CIT: variants seen among roughly 807,000 people sequenced by gnomAD.
CIT encodes citron rho-interacting serine/threonine kinase.
A neutral mutation model predicts 272.7 loss-of-function variants in CIT; 79 were observed. That is an observed-to-expected ratio of 0.29 (90% CI 0.24 to 0.35). CIT has a LOEUF of 0.35. Ranked by LOEUF, CIT falls within the 10% of genes least tolerant of loss-of-function variation. The pLI is 1.00. For missense variants in CIT, 1,909 were observed against 2,618.3 expected (o/e 0.73, Z 5.91); for synonymous variants, 948 against 995.6 (o/e 0.95, Z 0.90).
At chr12:119,751,003 G>A (rs896106516) in intron 23 of CIT, among the ~76,000 whole-genome samples, 3 of 152,100 alleles carry the variant, frequency 2.0e-5, no homozygotes, top group African/African-American at 4.8e-5. Flanking sequence ...CCAATCAGCT[G>A]TATTGTGACT....
intron 4 of CIT, among the ~76,000 whole-genome samples, chr12:119,853,426 ATTTGTTTG>A (rs199630343): frequency 2.0e-5 from 3 of 151,054 alleles, no homozygotes; most frequent in African/African-American, 4.9e-5. Context: ...GGATTTGTTT[ATTTGTTTG>A]TTTGTTTGTT....
chr12:119,739,583 T>C (rs955427465), intron 24 of CIT, among the ~76,000 whole-genome samples: 2 of 152,230 alleles, frequency 1.3e-5, no homozygotes, highest in African/African-American at 4.8e-5. Flanking sequence ...AATGTTGTTC[T>C]AAAGTAGTGG....
At position 119,824,601 on chromosome 12, in the gene CIT, A is replaced by T. The variant is rs182106697; in HGVS notation, c.957+564T>A. 9.2e-5 allele frequency among the ~76,000 whole-genome samples: 14 copies of T among 152,358 alleles called. No homozygotes were observed. In the East Asian group the frequency reaches 2.5e-3, roughly 27 times the overall value. On this transcript the variant is annotated intron_variant, in intron 8 of 47. Coordinates refer to ENST00000392521, the MANE Select transcript of CIT (RefSeq NM_001206999.2). ...TAAAATGTTTAGAATAGCCTTTGGC[A>T]CAGAGTTAAGTGCCATATAAGTATT...
chr12:119,800,456 C>A (rs1966095704), intron 10 of CIT, among the ~76,000 whole-genome samples: 1 of 152,144 alleles, frequency 6.6e-6, no homozygotes, highest in African/African-American at 2.4e-5. Flanking sequence ...AAATAAGGAT[C>A]CCAAAAAACG....
chr12:119,730,371 A>C, intron 27 of CIT, 124 bp downstream of exon 27: 1 of 1,028,202 alleles, frequency 9.7e-7, no homozygotes, highest in Non-Finnish European at 1.3e-6. Flanking sequence ...ACATTTTTGG[A>C]GTGCATGAAC....
At chr12:119,866,745 A>G (rs1361148471) in intron 3 of CIT, among the ~76,000 whole-genome samples, 1 of 152,120 alleles carries the variant, frequency 6.6e-6, no homozygotes, top group Non-Finnish European at 1.5e-5. Context: ...CTTGAGCCCA[A>G]GAGTTGGAGG....
intron 29 of CIT, 35 bp from the exon 30 acceptor site, chr12:119,720,620 A>C: frequency 6.9e-7 from 1 of 1,444,608 alleles, no homozygotes; most frequent in East Asian, 2.3e-5. Context: ...CCTCAAATCC[A>C]GACAGAAGTA....
At chr12:119,795,729 T>G (rs1965679681) in intron 10 of CIT, among the ~76,000 whole-genome samples, 1 of 152,208 alleles carries the variant, frequency 6.6e-6, no homozygotes, top group Non-Finnish European at 1.5e-5. Flanking sequence ...TGTTTCTACC[T>G]TCAGAACCTC....
rs191889106 is a variant in CIT, at chr12:119,688,212, T to C, written c.*20A>G. 3 of 1,611,318 alleles carry C rather than the reference T, an allele frequency of 1.9e-6. No individual in the cohort carries two copies. The highest frequency in any genetic ancestry group is 2.7e-5 in the African/African-American group (2 of 74,912). ...TTTTCCTGCAGATCAAGATGAGGAG[T>C]TGGTTTTTCTGGCTGAGATTTATAC... On this transcript the variant is annotated 3_prime_UTR_variant, in exon 48 of 48. Transcript: ENST00000392521.
chr12:119,755,300 G>A lies in CIT; in HGVS notation c.2706+2071C>T, dbSNP rs1205423278. 2.6e-5 allele frequency among the ~76,000 whole-genome samples: 4 copies of A among 152,144 alleles called. No individual in the cohort carries two copies. In the East Asian group the frequency reaches 5.8e-4, roughly 22 times the overall value. On this transcript the variant is annotated intron_variant, in intron 22 of 47. Transcript: ENST00000392521. ...CACTCCAGGTGAACCTAATGGAGGA[G>A]TTCACACCTTGACAACCCCTAAAAA... is the stretch of plus-strand genomic sequence containing the variant.
chr12:119,712,507 C>T lies in CIT; in HGVS notation c.4684+84G>A. 7.0e-7 allele frequency: 1 copy of T among 1,428,426 alleles called. No individual in the cohort carries two copies. The highest frequency in any genetic ancestry group is 9.8e-7 in the Non-Finnish European group (1 of 1,024,784). 88.5% of individuals were successfully genotyped at this position (1,428,426 alleles called of 1,614,324 possible). ...GATGGGCCTCCTTTGCAGAGCCAAT[C>T]TTCCCTGTACCACCCCTTCTGTCCC... On this transcript the variant is annotated intron_variant, in intron 36 of 47. Coordinates refer to ENST00000392521, the MANE Select transcript of CIT (RefSeq NM_001206999.2). This position sits in a 1 kb window ranked among gnomAD's most constrained non-coding sequence, Gnocchi z 5.2.
Position 119,821,048 on chromosome 12 carries a change from C to T in CIT, c.1111+1772G>A, listed in dbSNP as rs567452978. Among the ~76,000 whole-genome samples the T allele has an allele frequency of 2.0e-5, 3 of 152,190 alleles. No individual in the cohort carries two copies. The South Asian group carries it at 6.2e-4, about 32-fold the overall frequency. The stretch of plus-strand genomic sequence containing the variant: ...TGGTGGCTCACACCTGTAATCCCAG[C>T]ACTTTGGAAGGCCGAGGCAGGCAGA... On this transcript the variant is annotated intron_variant, in intron 9 of 47. Transcript: ENST00000392521.
rs532118651 is a variant in CIT, at chr12:119,784,886, C to T, written c.1401+74G>A. 6.1e-5 allele frequency: 95 copies of T among 1,566,196 alleles called. 1 individual carries two copies. In the South Asian group the frequency reaches 6.4e-4, roughly 11 times the overall value. On this transcript the variant is annotated intron_variant, in intron 11 of 47. Coordinates refer to ENST00000392521, the MANE Select transcript of CIT (RefSeq NM_001206999.2). This position sits in a 1 kb window ranked among gnomAD's most constrained non-coding sequence, Gnocchi z 4.7. ...GGCGGCTCAGAGCCAGCAGCGGCCC[C>T]GGGCGGATCCCTTGGCATATACGGA...
chr12:119,858,134 C>T (rs967430775), intron 3 of CIT, among the ~76,000 whole-genome samples: 2 of 152,142 alleles, frequency 1.3e-5, no homozygotes, highest in Non-Finnish European at 2.9e-5. Context: ...TAACTACATG[C>T]GCTTAGTTTT....
chr12:119,738,871 G>A (rs1326024332), intron 24 of CIT, among the ~76,000 whole-genome samples: 2 of 100,960 alleles, frequency 2.0e-5, no homozygotes, highest in African/African-American at 7.9e-5. Context: ...CAATAAGAGA[G>A]AAACTCAATC....
chr12:119,751,155 A>G (rs887440263), intron 23 of CIT, among the ~76,000 whole-genome samples: 1 of 152,162 alleles, frequency 6.6e-6, no homozygotes, highest in Non-Finnish European at 1.5e-5. Context: ...CTCACAGTCT[A>G]GGTCCTCCGG....
At chr12:119,787,574 A>T (rs1964909349) in intron 10 of CIT, among the ~76,000 whole-genome samples, 1 of 151,692 alleles carries the variant, frequency 6.6e-6, no homozygotes, top group Non-Finnish European at 1.5e-5. Flanking sequence ...TACTAAAAAT[A>T]CAAAAAATTA....
chr12:119,824,108 G>GTATATATA (rs59234933), intron 8 of CIT, among the ~76,000 whole-genome samples: 35 of 125,506 alleles, frequency 2.8e-4, no homozygotes, highest in Admixed American at 7.9e-4. Context: ...TAGTTTTACT[G>GTATATATA]TATATATATA....
chr12:119,700,193 T>C (rs1028639868), intron 44 of CIT, among the ~76,000 whole-genome samples: 1 of 152,208 alleles, frequency 6.6e-6, no homozygotes, highest in Non-Finnish European at 1.5e-5. Context: ...CATGAGAGCC[T>C]AGCAAATATT....
Sources: gnomAD v4.1 joint callset for allele counts (sites outside exome capture counted in the v4.1 genomes callset) on GRCh38, gnomAD v4.1.1 for gene constraint, Gnocchi (gnomAD v3.1) non-coding constraint, MANE v1.5 for transcripts, NCBI Gene and HGNC (gene_info 2026-07-23, HGNC 2026-07-21) for gene names.